Variants in MYO16 observed in about 807,000 individuals in gnomAD.
MYO16 encodes myosin XVI.
MYO16 carries 94 observed loss-of-function variants against 205.3 expected under a neutral mutation model. That is an observed-to-expected ratio of 0.46 (90% CI 0.39 to 0.54). MYO16 has a LOEUF of 0.54. MYO16 is among the 20% of genes least tolerant of loss of function. The pLI is 0.00. For missense variants in MYO16, 2,315 were observed against 2,387.5 expected, an observed-to-expected ratio of 0.97 and a Z score of 0.63; for synonymous variants, 988 against 954.0, an observed-to-expected ratio of 1.04 and a Z score of -0.66.
At chr13:108,906,140 A>G (rs569861372) in intron 15 of MYO16, among the ~76,000 whole-genome samples, 3 of 151,866 alleles carry the variant, frequency 2.0e-5, no homozygotes, top group Non-Finnish European at 4.4e-5. Context: ...TAAATCACTC[A>G]CTGTTTTCTT....
At chr13:108,748,410 T>C (rs114913579) in intron 4 of MYO16, among the ~76,000 whole-genome samples, 1,990 of 151,962 alleles carry the variant, frequency 0.013, 39 homozygotes, top group African/African-American at 0.045. Context: ...AGAAGACAGA[T>C]ATAAAAGCAA....
At chr13:108,524,050 A>G in the MYO16 span, among the ~76,000 whole-genome samples, 1 of 152,080 alleles carries the variant, frequency 6.6e-6, no homozygotes, top group South Asian at 2.1e-4. Context: ...CTGTAATCCT[A>G]GCACTTTGGG....
intron 6 of MYO16, among the ~76,000 whole-genome samples, chr13:108,804,864 G>A (rs1887067058): frequency 6.6e-6 from 1 of 152,138 alleles, no homozygotes; most frequent in African/African-American, 2.4e-5. Context: ...CTGTGCTTGT[G>A]GTAAGTGGCC....
chr13:109,188,513 A>G lies in MYO16; in HGVS notation c.5415+8880A>G, dbSNP rs147026127. On this transcript the variant is annotated intron_variant, in intron 34 of 34. Transcript: ENST00000457511. ...ATTATTGATATGGTTAGATTTAGGT[A>G]TGTATTAGATAGATTCTCTAGAGCG... 8.6e-3 allele frequency among the ~76,000 whole-genome samples: 1,310 copies of G among 152,324 alleles called. 13 individuals carry two copies. Among genetic ancestry groups the G allele is most frequent in the African/African-American group, 0.029 (1,216 of 41,564 alleles).
intron 10 of MYO16, among the ~76,000 whole-genome samples, chr13:108,847,552 A>G (rs10492413): frequency 0.23 from 34,702 of 152,138 alleles, 4,153 homozygotes; most frequent in South Asian, 0.35. Context: ...AGATAAATAC[A>G]TCATGTGGAA....
intron 12 of MYO16, among the ~76,000 whole-genome samples, chr13:108,882,684 C>T (rs1879675712): frequency 6.6e-6 from 1 of 152,134 alleles, no homozygotes; most frequent in Admixed American, 6.6e-5. Flanking sequence ...AAAACCTTGG[C>T]TATCTTATGG....
chr13:108,908,710 A>G (rs1025566420), intron 15 of MYO16, among the ~76,000 whole-genome samples: 6 of 152,088 alleles, frequency 3.9e-5, no homozygotes, highest in African/African-American at 1.4e-4. Context: ...GTGATGGCTC[A>G]CCCCTGTAAT....
chr13:108,761,358 T>C (rs1885602844), intron 4 of MYO16, among the ~76,000 whole-genome samples: 1 of 150,950 alleles, frequency 6.6e-6, no homozygotes, highest in Non-Finnish European at 1.5e-5. Flanking sequence ...TCATGGACAC[T>C]AAAAAAGAAA....
intron 4 of MYO16, among the ~76,000 whole-genome samples, chr13:108,762,689 T>C (rs901297268): frequency 1.3e-5 from 2 of 152,210 alleles, no homozygotes; most frequent in Non-Finnish European, 2.9e-5. Flanking sequence ...TAATAAAATG[T>C]GGAAGAAAAC....
intron 11 of MYO16, among the ~76,000 whole-genome samples, chr13:108,863,015 CG>C (rs1324825891): frequency 6.6e-6 from 1 of 151,968 alleles, no homozygotes; most frequent in Admixed American, 6.5e-5. Context: ...TAATTGTTCA[CG>C]GGTAATATAT....
rs1363154259 is a variant in MYO16, at chr13:109,119,835, T to C, written c.3439-535T>C. On this transcript the variant is annotated intron_variant, in intron 28 of 34. Coordinates refer to ENST00000457511, the MANE Select transcript of MYO16 (RefSeq NM_001198950.3). ...ACTTTCTCATCTTTCTTGAGACTTT[T>C]AAACTTTAGTTCTGAAGTTCTATAA... Among the ~76,000 whole-genome samples, 4 of 152,246 alleles carry C rather than the reference T, an allele frequency of 2.6e-5. No individual in the cohort carries two copies. In the East Asian group the frequency reaches 7.7e-4, roughly 29 times the overall value.
intron 3 of MYO16, among the ~76,000 whole-genome samples, chr13:108,726,227 A>G (rs1041919035): frequency 4.6e-5 from 7 of 152,224 alleles, no homozygotes; most frequent in African/African-American, 1.7e-4. Flanking sequence ...TTGTACTAAT[A>G]TGCATTTAGC....
the MYO16 span, among the ~76,000 whole-genome samples, chr13:108,540,144 C>A: frequency 2.0e-5 from 3 of 152,084 alleles, no homozygotes; most frequent in Non-Finnish European, 2.9e-5. Flanking sequence ...TCTTGTGCAA[C>A]TATTGAATGA....
At chr13:109,011,880 G>A (rs536404526) in intron 22 of MYO16, among the ~76,000 whole-genome samples, 2 of 152,128 alleles carry the variant, frequency 1.3e-5, no homozygotes, top group Non-Finnish European at 2.9e-5. Flanking sequence ...AAGACACAAA[G>A]AAATGGCCTT....
At chr13:108,508,018 A>G in the MYO16 span, among the ~76,000 whole-genome samples, 12 of 151,654 alleles carry the variant, frequency 7.9e-5, no homozygotes, top group African/African-American at 2.4e-4. Context: ...CTTTGTTAAT[A>G]TTCTCTTTTT....
chr13:108,499,112 C>G, the MYO16 span, among the ~76,000 whole-genome samples: 1 of 152,160 alleles, frequency 6.6e-6, no homozygotes, highest in Non-Finnish European at 1.5e-5. Context: ...ATGGTTGACT[C>G]ATGAGTTAAT....
At chr13:108,531,228 G>A in the MYO16 span, among the ~76,000 whole-genome samples, 1 of 152,178 alleles carries the variant, frequency 6.6e-6, no homozygotes, top group African/African-American at 2.4e-5. Flanking sequence ...CTGTATTAAG[G>A]ATTAGTGTCT....
chr13:108,752,122 A>C (rs992840585), intron 4 of MYO16, among the ~76,000 whole-genome samples: 8 of 152,202 alleles, frequency 5.3e-5, no homozygotes, highest in African/African-American at 1.9e-4. Flanking sequence ...GTATCTTCAC[A>C]ATTTCTTTTC....
At chr13:108,867,822 G>A (rs1005096536) in intron 12 of MYO16, among the ~76,000 whole-genome samples, 2 of 152,130 alleles carry the variant, frequency 1.3e-5, no homozygotes, top group South Asian at 2.1e-4. Context: ...TGTGTCAAAC[G>A]TGACATACCT....
Sources: gnomAD v4.1 joint callset for allele counts (sites outside exome capture counted in the v4.1 genomes callset) on GRCh38, gnomAD v4.1.1 for gene constraint, MANE v1.5 for transcripts, NCBI Gene and HGNC (gene_info 2026-07-23, HGNC 2026-07-21) for gene names.